Variants in CYP7B1 observed in about 807,000 individuals in gnomAD.
CYP7B1 encodes cytochrome P450 7B1.
A neutral mutation model predicts 42.7 loss-of-function variants in CYP7B1; 29 were observed. That is an observed-to-expected ratio of 0.68 (90% CI 0.51 to 0.93). CYP7B1 has a LOEUF of 0.93. Among genes scored for constraint, CYP7B1 ranks in the 40% least tolerant of loss-of-function variants. The probability of loss-of-function intolerance (pLI) is 0.00; values close to 1 mark genes in which losing one functional copy is unlikely to be tolerated. For synonymous variants in CYP7B1, 235 were observed against 218.2 expected, an observed-to-expected ratio of 1.08 and a Z score of -0.68; for missense variants, 655 against 600.5, an observed-to-expected ratio of 1.09 and a Z score of -0.95.
rs1364200785 is a variant in CYP7B1 at position 64,591,516 on chromosome 8, A to C, written c.*5126T>G. Among the ~76,000 whole-genome samples the C allele has an allele frequency of 6.6e-6, 1 of 152,238 alleles. No individual in the cohort carries two copies. Among genetic ancestry groups the C allele is most frequent in the Non-Finnish European group, 1.5e-5 (1 of 68,028 alleles). On this transcript the variant is annotated 3_prime_UTR_variant, in exon 6 of 6. Transcript: ENST00000310193. ...ATAAATGTTGTGCTTTGGTCTTTGA[A>C]CAGTTTTAAACTTCTACTGTTAAGT...
chr8:64,625,076 C>T (rs1805590671), intron 1 of CYP7B1, among the ~76,000 whole-genome samples: 1 of 149,710 alleles, frequency 6.7e-6, no homozygotes, highest in Non-Finnish European at 1.5e-5. Context: ...CGGGTTCACG[C>T]CATTCTCCCG....
chr8:64,730,060 T>TATTG (rs1231422994), intron 1 of CYP7B1, among the ~76,000 whole-genome samples: 1 of 152,064 alleles, frequency 6.6e-6, no homozygotes, highest in Non-Finnish European at 1.5e-5. Flanking sequence ...CATTTTATTT[T>TATTG]ATTGATTGAT....
At chr8:64,725,113 C>G (rs540084967) in intron 1 of CYP7B1, among the ~76,000 whole-genome samples, 6 of 152,302 alleles carry the variant, frequency 3.9e-5, no homozygotes, top group African/African-American at 1.4e-4. Flanking sequence ...TTAGATCACC[C>G]CCTTTGGTCC....
At chr8:64,705,466 TA>T (rs774878739) in intron 1 of CYP7B1, among the ~76,000 whole-genome samples, 10 of 151,770 alleles carry the variant, frequency 6.6e-5, no homozygotes, top group Non-Finnish European at 8.8e-5. Context: ...CAATTCAGAT[TA>T]GTTATTTTAT....
chr8:64,794,215 G>C (rs1804668615), intron 1 of CYP7B1, among the ~76,000 whole-genome samples: 2 of 152,156 alleles, frequency 1.3e-5, no homozygotes, highest in African/African-American at 4.8e-5. Context: ...AGGCACTTCA[G>C]AAATCTCTAT....
intron 1 of CYP7B1, among the ~76,000 whole-genome samples, chr8:64,760,748 G>T (rs1030519243): frequency 6.6e-6 from 1 of 152,026 alleles, no homozygotes; most frequent in African/African-American, 2.4e-5. Flanking sequence ...TACACTGTTG[G>T]TGAGAATGTA....
intron 1 of CYP7B1, among the ~76,000 whole-genome samples, chr8:64,713,403 G>A (rs1444060911): frequency 6.6e-6 from 1 of 151,962 alleles, no homozygotes; most frequent in African/African-American, 2.4e-5. Context: ...ATAAAAGCAG[G>A]CTCCCAAAAT....
intron 1 of CYP7B1, among the ~76,000 whole-genome samples, chr8:64,696,441 T>C (rs974140244): frequency 2.0e-5 from 3 of 152,182 alleles, no homozygotes; most frequent in Non-Finnish European, 4.4e-5. Flanking sequence ...AAATCAGATA[T>C]AAATTATTAT....
intron 1 of CYP7B1, among the ~76,000 whole-genome samples, chr8:64,638,825 ATG>A (rs138558751): frequency 3.9e-4 from 59 of 149,572 alleles, no homozygotes; most frequent in African/African-American, 1.2e-3. Flanking sequence ...ACTTTTGTGT[ATG>A]TGTGTGTGTG....
chr8:64,798,469 G>A lies in CYP7B1; in HGVS notation c.119C>T (p.Thr40Ile). Reference protein sequence around the residue: ...LLALCLLVRRTRRPGEPPLIK... With the variant: ...LLALCLLVRRIRRPGEPPLIK... ...GCCTGGCGGCCGAGGCGCTTACCTG[G>A]TGCGCCGGACAAGCAAGCAGAGGGC... Residue 40 changes from threonine (T) to isoleucine (I), a missense_variant, in exon 1 of 6, where the codon ACC (threonine) becomes ATC (isoleucine). By Grantham distance (89) the Thr-to-Ile change is moderately conservative (BLOSUM62 -1). Coordinates refer to ENST00000310193, the MANE Select transcript of CYP7B1 (RefSeq NM_004820.5). 6.6e-7 allele frequency: 1 copy of A among 1,512,120 alleles called. No homozygotes were observed. Among genetic ancestry groups the A allele is most frequent in the Non-Finnish European group, 8.8e-7 (1 of 1,138,752 alleles). 93.7% of individuals were successfully genotyped at this position (1,512,120 alleles called of 1,614,324 possible).
intron 4 of CYP7B1, among the ~76,000 whole-genome samples, chr8:64,609,164 CAA>C (rs1364684403): frequency 6.6e-6 from 1 of 152,066 alleles, no homozygotes; most frequent in Non-Finnish European, 1.5e-5. Flanking sequence ...ATTTAATTGA[CAA>C]ATAAAAATTG....
chr8:64,792,545 T>C lies in CYP7B1; in HGVS notation c.122+5921A>G, dbSNP rs529893447. Among the ~76,000 whole-genome samples the C allele has an allele frequency of 2.6e-4, 40 of 152,174 alleles. 1 individual carries two copies. The South Asian group carries it at 7.7e-3, about 29-fold the overall frequency. On this transcript the variant is annotated intron_variant, in intron 1 of 5. Coordinates refer to ENST00000310193, the MANE Select transcript of CYP7B1 (RefSeq NM_004820.5). Reference sequence around the variant, plus strand: ...AGTATTTAATCAATTGTTGAAAAGATTAGGGAATAATCTTTTCAATGACTA... The same window carrying C: ...AGTATTTAATCAATTGTTGAAAAGACTAGGGAATAATCTTTTCAATGACTA...
intron 1 of CYP7B1, among the ~76,000 whole-genome samples, chr8:64,743,477 C>T (rs1807598654): frequency 1.3e-5 from 2 of 152,168 alleles, no homozygotes; most frequent in Admixed American, 6.5e-5. Context: ...TCTCGCAGTT[C>T]TGGAAGCTAA....
At chr8:64,685,836 CT>C (rs1178517483) in intron 1 of CYP7B1, among the ~76,000 whole-genome samples, 1 of 43,310 alleles carries the variant, frequency 2.3e-5, no homozygotes, top group African/African-American at 7.5e-5. Flanking sequence ...GGGGGGTCAG[CT>C]CCCCCGCCCG....
At chr8:64,743,628 T>A (rs974412647) in intron 1 of CYP7B1, among the ~76,000 whole-genome samples, 1 of 152,122 alleles carries the variant, frequency 6.6e-6, no homozygotes, top group African/African-American at 2.4e-5. Context: ...GCATCCCTTG[T>A]GCTTCTGTGT....
At chr8:64,623,683 C>T (rs570210105) in intron 2 of CYP7B1, among the ~76,000 whole-genome samples, 2 of 151,920 alleles carry the variant, frequency 1.3e-5, no homozygotes, top group Non-Finnish European at 2.9e-5. Context: ...TGTTTTGGTA[C>T]TTTATTAAAG....
intron 1 of CYP7B1, among the ~76,000 whole-genome samples, chr8:64,699,717 G>A (rs968212149): frequency 6.6e-6 from 1 of 151,772 alleles, no homozygotes; most frequent in Non-Finnish European, 1.5e-5. Context: ...TCCTAAACAG[G>A]TTTCCTAAAA....
chr8:64,747,973 A>G (rs1018844347), intron 1 of CYP7B1, among the ~76,000 whole-genome samples: 6 of 152,164 alleles, frequency 3.9e-5, no homozygotes, highest in African/African-American at 1.4e-4. Flanking sequence ...CCCATGACCC[A>G]TTGCAGCACC....
chr8:64,634,446 G>T (rs1459644119), intron 1 of CYP7B1, among the ~76,000 whole-genome samples: 1 of 151,788 alleles, frequency 6.6e-6, no homozygotes, highest in Non-Finnish European at 1.5e-5. Flanking sequence ...GGGCATGGTG[G>T]CACACACCTG....
Sources: gnomAD v4.1 joint callset for allele counts (sites outside exome capture counted in the v4.1 genomes callset) on GRCh38, gnomAD v4.1.1 for gene constraint, MANE v1.5 for transcripts, NCBI Gene and HGNC (gene_info 2026-07-23, HGNC 2026-07-21) for gene names.